PTPRD: variants seen among roughly 807,000 people sequenced by gnomAD.
PTPRD encodes the protein protein tyrosine phosphatase receptor type D.
A neutral mutation model predicts 214.5 loss-of-function variants in PTPRD; 34 were observed. That is an observed-to-expected ratio of 0.16 (90% CI 0.12 to 0.21). The LOEUF is 0.21. PTPRD is among the 10% of genes least tolerant of loss of function. PTPRD has a pLI of 1.00. For missense variants in PTPRD, 2,545 were observed against 2,398.7 expected (o/e 1.06, Z -1.27); for synonymous variants, 1,128 against 845.7 (o/e 1.33, Z -5.79).
At chr9:9,556,627 G>A (rs1385423501) in intron 8 of PTPRD, among the ~76,000 whole-genome samples, 1 of 152,080 alleles carries the variant, frequency 6.6e-6, no homozygotes, top group Non-Finnish European at 1.5e-5. Context: ...TTGTTGCTAG[G>A]GCCCCATCTA....
chr9:8,581,404 C>G (rs2093071208), intron 14 of PTPRD, among the ~76,000 whole-genome samples: 2 of 152,062 alleles, frequency 1.3e-5, no homozygotes, highest in African/African-American at 4.8e-5. Context: ...TCCAGTGAGT[C>G]TGATCACAAA....
At chr9:9,035,902 C>T (rs1407426932) in intron 10 of PTPRD, among the ~76,000 whole-genome samples, 1 of 151,986 alleles carries the variant, frequency 6.6e-6, no homozygotes, top group Non-Finnish European at 1.5e-5. Context: ...CATATTGAAA[C>T]ATATAGAAAG....
At chr9:8,463,430 T>C (rs184873668) in intron 32 of PTPRD, among the ~76,000 whole-genome samples, 1 of 151,962 alleles carries the variant, frequency 6.6e-6, no homozygotes, top group Admixed American at 6.6e-5. Context: ...GTTTATGCTT[T>C]ACCCACTCCA....
chr9:8,895,179 G>C (rs997930094), intron 11 of PTPRD, among the ~76,000 whole-genome samples: 2 of 152,140 alleles, frequency 1.3e-5, no homozygotes, highest in African/African-American at 4.8e-5. Flanking sequence ...TTAAACATGG[G>C]GATTTGAGCT....
intron 2 of PTPRD, among the ~76,000 whole-genome samples, chr9:10,394,094 ATC>A (rs1038670098): frequency 2.1e-5 from 3 of 144,898 alleles, no homozygotes; most frequent in African/African-American, 7.6e-5. Flanking sequence ...AAACATATCT[ATC>A]TCTCTCTATA....
chr9:10,347,029 A>G (rs1276795376), intron 2 of PTPRD, among the ~76,000 whole-genome samples: 1 of 151,590 alleles, frequency 6.6e-6, no homozygotes, highest in Non-Finnish European at 1.5e-5. Context: ...AGACCATGGG[A>G]AAAAAAATAA....
At chr9:10,512,752 T>C (rs931012846) in intron 2 of PTPRD, among the ~76,000 whole-genome samples, 1 of 151,998 alleles carries the variant, frequency 6.6e-6, no homozygotes, top group Non-Finnish European at 1.5e-5. Flanking sequence ...CTAATAAAAA[T>C]CACACAAAAG....
chr9:10,000,289 T>C (rs1015674060), intron 4 of PTPRD, among the ~76,000 whole-genome samples: 4 of 152,214 alleles, frequency 2.6e-5, no homozygotes, highest in African/African-American at 9.6e-5. Flanking sequence ...TTATAGTCTA[T>C]AGGACCCCCA....
At position 8,725,272 on chromosome 9, in the gene PTPRD, T is replaced by C. The variant is rs143951300; in HGVS notation, c.64+8508A>G. Among the ~76,000 whole-genome samples, 132 of 152,306 alleles carry C rather than the reference T, an allele frequency of 8.7e-4. 2 individuals are homozygous for C. In the East Asian group the frequency reaches 0.02, roughly 23 times the overall value. ...TTTAATGCTTGTTACTGTTAGAAAA[T>C]GTAAATTTTAAAAATTAATGTTAAA... On this transcript the variant is annotated intron_variant, in intron 12 of 45. Coordinates refer to ENST00000381196, the MANE Select transcript of PTPRD (RefSeq NM_002839.4).
chr9:9,943,252 C>T (rs2091945557), intron 4 of PTPRD, among the ~76,000 whole-genome samples: 1 of 152,106 alleles, frequency 6.6e-6, no homozygotes, highest in Non-Finnish European at 1.5e-5. Context: ...AAAAGATGGC[C>T]TTGGAATATT....
intron 9 of PTPRD, among the ~76,000 whole-genome samples, chr9:9,327,367 C>T (rs575856402): frequency 3.9e-5 from 6 of 152,092 alleles, no homozygotes; most frequent in East Asian, 3.9e-4. Context: ...CTAAAACAAC[C>T]GAAATGGAAA....
chr9:9,950,985 C>A (rs1243197640), intron 4 of PTPRD, among the ~76,000 whole-genome samples: 1 of 152,088 alleles, frequency 6.6e-6, no homozygotes, highest in Non-Finnish European at 1.5e-5. Context: ...AATTTGGGGG[C>A]TGGATTACTC....
At chr9:8,394,320 T>C (rs548299079) in intron 36 of PTPRD, among the ~76,000 whole-genome samples, 5 of 152,142 alleles carry the variant, frequency 3.3e-5, no homozygotes, top group Non-Finnish European at 7.4e-5. Flanking sequence ...TAAGTCCTGA[T>C]ATTAAGTGAA....
intron 8 of PTPRD, among the ~76,000 whole-genome samples, chr9:9,538,246 C>T (rs567043504): frequency 4.6e-5 from 7 of 152,028 alleles, no homozygotes; most frequent in African/African-American, 1.4e-4. Context: ...TAAAAACCCT[C>T]ACTACTGTTG....
chr9:9,052,285 C>G (rs2099687453), intron 10 of PTPRD, among the ~76,000 whole-genome samples: 1 of 152,128 alleles, frequency 6.6e-6, no homozygotes, highest in African/African-American at 2.4e-5. Flanking sequence ...ATATCAACAT[C>G]TTGGGTGTTG....
At chr9:8,478,862 G>T (rs2096822378) in intron 30 of PTPRD, among the ~76,000 whole-genome samples, 1 of 152,164 alleles carries the variant, frequency 6.6e-6, no homozygotes, top group African/African-American at 2.4e-5. Flanking sequence ...AGGAGTTAAG[G>T]AGTAGGGGCC....
intron 9 of PTPRD, among the ~76,000 whole-genome samples, chr9:9,328,796 C>G (rs1275826392): frequency 6.6e-6 from 1 of 150,794 alleles, no homozygotes; most frequent in Non-Finnish European, 1.5e-5. Context: ...ACCACCACAT[C>G]CAGCTATTTC....
chr9:9,673,305 C>T (rs146643469), intron 7 of PTPRD, among the ~76,000 whole-genome samples: 141 of 151,976 alleles, frequency 9.3e-4, no homozygotes, highest in African/African-American at 3.2e-3. Flanking sequence ...CTGTTTCATT[C>T]ACCATGATAT....
rs545532961 is a variant in PTPRD at position 8,759,032 on chromosome 9, GT to G, written c.-103-25087del. On this transcript the variant is annotated intron_variant, in intron 11 of 45. Transcript: ENST00000381196. The stretch of plus-strand genomic sequence containing the variant: ...TCACAAAGGTGTTCTTTGGTTTTGG[GT>G]TTTTTTTTTTTTAGAAAGAGAGCAT... 1.1e-3 allele frequency among the ~76,000 whole-genome samples: 157 copies of G among 139,820 alleles called. 1 individual carries two copies. The highest frequency in any genetic ancestry group is 1.4e-3 in the Admixed American group (20 of 13,908). The allele number at this position is 139,820 out of a possible 152,430, so 91.7% of individuals were successfully genotyped here.
Sources: gnomAD v4.1 joint callset for allele counts (sites outside exome capture counted in the v4.1 genomes callset) on GRCh38, gnomAD v4.1.1 for gene constraint, MANE v1.5 for transcripts, NCBI Gene and HGNC (gene_info 2026-07-23, HGNC 2026-07-21) for gene names.